Variants in CECR2 observed in about 807,000 individuals in gnomAD.
CECR2 encodes CECR2 histone acetyl-lysine reader.
CECR2 carries 30 observed loss-of-function variants against 154.5 expected under a neutral mutation model. The ratio of observed to expected loss-of-function variants is 0.19; its 90% CI spans 0.15 to 0.26. The LOEUF is 0.26. Among genes scored for constraint, CECR2 ranks in the 10% least tolerant of loss-of-function variants. The pLI, the probability that CECR2 is intolerant of heterozygous loss-of-function variation, is 1.00. For synonymous variants in CECR2, 725 were observed against 683.7 expected, an observed-to-expected ratio of 1.06 and a Z score of -0.94; for missense variants, 1,743 against 1,829.3, an observed-to-expected ratio of 0.95 and a Z score of 0.86.
intron 1 of CECR2, among the ~76,000 whole-genome samples, chr22:17,461,709 C>T (rs901034637): frequency 2.0e-5 from 3 of 151,942 alleles, no homozygotes; most frequent in Admixed American, 6.6e-5. Flanking sequence ...TTTTCCTCTG[C>T]GATGGGATTG....
intron 2 of CECR2, among the ~76,000 whole-genome samples, chr22:17,486,828 G>A (rs2522300): frequency 6.6e-6 from 1 of 152,028 alleles, no homozygotes; most frequent in Non-Finnish European, 1.5e-5. Flanking sequence ...ATGAATAAGC[G>A]CGAGTGGTGA....
chr22:17,418,661 C>T (rs531481336), intron 1 of CECR2: 63 of 325,448 alleles, frequency 1.9e-4, no homozygotes, highest in Non-Finnish European at 3.1e-4. Flanking sequence ...GCCAGACACT[C>T]GCGAGGGGCA....
chr22:17,399,669 A>G (rs987772537), intron 1 of CECR2, among the ~76,000 whole-genome samples: 1 of 152,156 alleles, frequency 6.6e-6, no homozygotes, highest in African/African-American at 2.4e-5. Flanking sequence ...TGGCCTCCCA[A>G]AGTGCTGGGA....
chr22:17,460,488 G>T (rs2054921271), intron 1 of CECR2, among the ~76,000 whole-genome samples: 1 of 152,214 alleles, frequency 6.6e-6, no homozygotes. Context: ...GGGATTGCAG[G>T]CGTGAGCCAC....
chr22:17,523,004 C>CGGT lies in CECR2; in HGVS notation c.955-1112_955-1111insTGG, dbSNP rs1555925702. Among the ~76,000 whole-genome samples the CGGT allele has an allele frequency of 6.1e-5, 8 of 131,420 alleles. No individual in the cohort carries two copies. In the South Asian group the frequency reaches 6.9e-4, roughly 11 times the overall value. 86.2% of individuals were successfully genotyped at this position (131,420 alleles called of 152,430 possible). ...TTGGTGACAAAGCAAGACTCCATCT[C>CGGT]GGGGGGAAAAAAAAAAGCCTGCTAT... On this transcript the variant is annotated intron_variant, in intron 8 of 18. Transcript: ENST00000262608.
intron 1 of CECR2, among the ~76,000 whole-genome samples, chr22:17,451,800 T>G (rs950211470): frequency 5.3e-5 from 8 of 152,150 alleles, no homozygotes; most frequent in Non-Finnish European, 1.0e-4. Flanking sequence ...TGAGCCAGAG[T>G]TCCTACCTTT....
chr22:17,470,406 AAAG>A lies in CECR2; in HGVS notation c.127-7179_127-7177del, dbSNP rs1245398927. Among the ~76,000 whole-genome samples the A allele has an allele frequency of 5.0e-4, 76 of 151,614 alleles. No individual in the cohort carries two copies. In the East Asian group the frequency reaches 1.0e-2, roughly 20 times the overall value. ...AGACTCCGTCTCAAAAAAAAAAAAAAAAGAAAAAAAAATTCTGTCTATGCACAT... is the reference window on the plus strand; with the variant it reads ...AGACTCCGTCTCAAAAAAAAAAAAAAAAAAAAAAATTCTGTCTATGCACAT... On this transcript the variant is annotated intron_variant, in intron 1 of 18. Transcript: ENST00000262608.
chr22:17,472,984 G>A (rs549801668), intron 1 of CECR2, among the ~76,000 whole-genome samples: 1 of 152,268 alleles, frequency 6.6e-6, no homozygotes, highest in African/African-American at 2.4e-5. Flanking sequence ...TGCTGTGAGA[G>A]GTTGGGGCTA....
chr22:17,440,534 C>T (rs181050797), intron 1 of CECR2, among the ~76,000 whole-genome samples: 299 of 152,266 alleles, frequency 2.0e-3, no homozygotes, highest in African/African-American at 6.3e-3. Flanking sequence ...GAGTGGAATT[C>T]AGGTCTGTCC....
At chr22:17,436,386 TTAGCTGTCTC>T (rs1221531442) in intron 1 of CECR2, among the ~76,000 whole-genome samples, 4 of 152,160 alleles carry the variant, frequency 2.6e-5, no homozygotes, top group African/African-American at 9.7e-5. Flanking sequence ...AGCAACAACA[TTAGCTGTCTC>T]TAGTTCCTAA....
intron 9 of CECR2, among the ~76,000 whole-genome samples, chr22:17,525,311 AAAAAG>A (rs1294299414): frequency 1.4e-5 from 2 of 146,882 alleles, no homozygotes; most frequent in African/African-American, 5.1e-5. Context: ...AAAAAAAAAA[AAAAAG>A]AAAGGAAGGG....
At chr22:17,457,029 AGTTT>A (rs964330673) in intron 1 of CECR2, among the ~76,000 whole-genome samples, 4 of 152,094 alleles carry the variant, frequency 2.6e-5, no homozygotes, top group Non-Finnish European at 4.4e-5. Flanking sequence ...TATATTTACT[AGTTT>A]GTTTGTTTGA....
chr22:17,426,447 C>G (rs2054332182), intron 1 of CECR2, among the ~76,000 whole-genome samples: 1 of 152,172 alleles, frequency 6.6e-6, no homozygotes, highest in Non-Finnish European at 1.5e-5. Context: ...ACCTCCGCCT[C>G]CCAAGTTCAA....
At chr22:17,490,896 A>AC (rs35227012) in intron 2 of CECR2, among the ~76,000 whole-genome samples, 102,802 of 151,912 alleles carry the variant, frequency 0.68, 35,018 homozygotes, top group Middle Eastern at 0.78. Flanking sequence ...GTTTCCTCCC[A>AC]CCCACTTCCC....
rs1447186017 is a variant in CECR2, at chr22:17,518,692, TG to T, written c.955-5425del. 3 of 444,208 alleles carry T rather than the reference TG, an allele frequency of 6.8e-6. No homozygotes were observed. In the Admixed American group the frequency reaches 7.3e-5, roughly 11 times the overall value. The allele number at this position is 444,208 out of a possible 1,614,324, so 27.5% of individuals were successfully genotyped here. A position where few individuals can be genotyped will look rare whatever the true frequency, so the allele number is the denominator to read the frequency against. ...CAGGTCTTATTGATGAATTACTGTT[TG>T]CATTCAAGCACCTCAGCAGTTGGCA... On this transcript the variant is annotated intron_variant, in intron 8 of 18. Coordinates refer to ENST00000262608, the MANE Select transcript of CECR2 (RefSeq NM_001290047.2).
chr22:17,517,897 C>T (rs538924890), intron 8 of CECR2, among the ~76,000 whole-genome samples: 1 of 152,210 alleles, frequency 6.6e-6, no homozygotes, highest in African/African-American at 2.4e-5. Flanking sequence ...ATATTTAAAA[C>T]AATAGGAAGC....
At chr22:17,362,641 C>T (rs1274938623) in intron 1 of CECR2, among the ~76,000 whole-genome samples, 11 of 151,836 alleles carry the variant, frequency 7.2e-5, no homozygotes, top group African/African-American at 1.5e-4. Flanking sequence ...CGGTGGCTCA[C>T]GCCTGTAATC....
chr22:17,509,118 A>G (rs1457037534), intron 7 of CECR2, among the ~76,000 whole-genome samples: 2 of 152,136 alleles, frequency 1.3e-5, no homozygotes, highest in Non-Finnish European at 2.9e-5. Context: ...AGGCATGGTG[A>G]TGGGTGCCTG....
chr22:17,398,402 A>G (rs1386450409), intron 1 of CECR2, among the ~76,000 whole-genome samples: 2 of 152,124 alleles, frequency 1.3e-5, no homozygotes. Flanking sequence ...TAAGTGTGGG[A>G]CATGTTGAAT....
Sources: allele counts gnomAD v4.1 joint callset (sites outside exome capture counted in the v4.1 genomes callset), GRCh38; gene constraint gnomAD v4.1.1; transcripts MANE v1.5; gene names NCBI Gene and HGNC (gene_info 2026-07-23, HGNC 2026-07-21).